LIMA1: variants seen among roughly 807,000 people sequenced by gnomAD.
The protein encoded by LIMA1 is LIM domain and actin binding 1, also known as LIM domain and actin-binding protein 1.
In LIMA1, 52 loss-of-function variants were observed where a neutral mutation model predicts 62.6. The observed-to-expected ratio is 0.83, with a 90% CI of 0.67 to 1.05. The LOEUF (loss-of-function observed/expected upper bound fraction) is 1.05. Ranked by LOEUF, LIMA1 falls within the 50% of genes least tolerant of loss-of-function variation. The probability of loss-of-function intolerance (pLI) is 0.00; values close to 1 mark genes in which losing one functional copy is unlikely to be tolerated. For synonymous variants in LIMA1, 302 were observed against 317.8 expected (o/e 0.95, Z 0.53); for missense variants, 780 against 902.2 (o/e 0.86, Z 1.74).
chr12:50,194,319 C>T (rs1940879679), intron 8 of LIMA1, among the ~76,000 whole-genome samples: 1 of 136,462 alleles, frequency 7.3e-6, no homozygotes, highest in African/African-American at 2.8e-5. Flanking sequence ...TGTTTTGAGT[C>T]GGAGTCTCGC....
intron 7 of LIMA1, among the ~76,000 whole-genome samples, chr12:50,198,808 G>C (rs539691409): frequency 6.6e-6 from 1 of 152,162 alleles, no homozygotes; most frequent in Admixed American, 6.5e-5. Flanking sequence ...TAGAGAACAT[G>C]ATAATTCCCC....
At chr12:50,254,814 C>T (rs1160350160) in intron 1 of LIMA1, among the ~76,000 whole-genome samples, 1 of 152,162 alleles carries the variant, frequency 6.6e-6, no homozygotes, top group Non-Finnish European at 1.5e-5. Context: ...AATCCCAGCA[C>T]TCTGGGAGGC....
intron 2 of LIMA1, among the ~76,000 whole-genome samples, chr12:50,236,164 C>T (rs1247268004): frequency 6.7e-6 from 1 of 149,662 alleles, no homozygotes; most frequent in Non-Finnish European, 1.5e-5. Context: ...GACTCCATCT[C>T]AAAAAAAACA....
intron 1 of LIMA1, among the ~76,000 whole-genome samples, chr12:50,250,197 C>G (rs758269829): frequency 2.7e-5 from 4 of 147,748 alleles, no homozygotes; most frequent in African/African-American, 1.0e-4. Context: ...ACTTGGGAGG[C>G]TGAGGCAGGA....
At chr12:50,246,354 G>T (rs1288771383) in intron 2 of LIMA1, among the ~76,000 whole-genome samples, 1 of 152,062 alleles carries the variant, frequency 6.6e-6, no homozygotes, top group African/African-American at 2.4e-5. Context: ...GGTGAAAAGG[G>T]TAAGAACGTG....
At chr12:50,205,742 G>C (rs1941138915) in intron 5 of LIMA1, among the ~76,000 whole-genome samples, 1 of 144,596 alleles carries the variant, frequency 6.9e-6, no homozygotes, top group Non-Finnish European at 1.5e-5. Context: ...AGCCGGGCAT[G>C]ACGGCTCATG....
At chr12:50,255,549 C>CAA (rs1185514558) in intron 1 of LIMA1, among the ~76,000 whole-genome samples, 10 of 39,666 alleles carry the variant, frequency 2.5e-4, no homozygotes, top group African/African-American at 7.9e-4. Flanking sequence ...CAGACCCTGT[C>CAA]AAAAAAAAAA....
intron 2 of LIMA1, among the ~76,000 whole-genome samples, chr12:50,247,180 A>C (rs957015293): frequency 2.0e-5 from 3 of 152,076 alleles, no homozygotes; most frequent in Admixed American, 6.5e-5. Flanking sequence ...TGTCCAAAAA[A>C]TTCTGACATT....
At chr12:50,252,506 G>C (rs1453266070) in intron 1 of LIMA1, among the ~76,000 whole-genome samples, 1 of 151,346 alleles carries the variant, frequency 6.6e-6, no homozygotes, top group South Asian at 2.1e-4. Context: ...TCTCGAACCT[G>C]GGAGGCGGAG....
chr12:50,239,738 G>A (rs1400709071), intron 2 of LIMA1, among the ~76,000 whole-genome samples: 1 of 152,150 alleles, frequency 6.6e-6, no homozygotes, highest in Non-Finnish European at 1.5e-5. Context: ...GCTCAAGCCT[G>A]TGATCCCAGC....
At chr12:50,178,997 A>G (rs1264771690) in intron 10 of LIMA1, among the ~76,000 whole-genome samples, 1 of 128,790 alleles carries the variant, frequency 7.8e-6, no homozygotes, top group Non-Finnish European at 1.7e-5. Context: ...TCTTTTTTTG[A>G]GAGAATCTCG....
At chr12:50,247,711 C>A (rs1023564754) in intron 2 of LIMA1, among the ~76,000 whole-genome samples, 1 of 151,820 alleles carries the variant, frequency 6.6e-6, no homozygotes, top group Non-Finnish European at 1.5e-5. Flanking sequence ...GCAACCTCCG[C>A]CTCCTGGGTT....
At chr12:50,280,217 C>T (rs1031171923) in intron 1 of LIMA1, among the ~76,000 whole-genome samples, 1 of 128,804 alleles carries the variant, frequency 7.8e-6, no homozygotes. Context: ...TGCAGTGGCG[C>T]GATCTCCGCT....
intron 9 of LIMA1, among the ~76,000 whole-genome samples, chr12:50,183,194 T>C (rs1940545857): frequency 6.6e-6 from 1 of 151,888 alleles, no homozygotes; most frequent in Non-Finnish European, 1.5e-5. Flanking sequence ...AGAGTGAGAC[T>C]CCATCTCAAA....
At chr12:50,240,061 A>ATAACATAACATAACATAACATAAC (rs1454888061) in intron 2 of LIMA1, among the ~76,000 whole-genome samples, 8 of 121,570 alleles carry the variant, frequency 6.6e-5, no homozygotes, top group East Asian at 2.5e-4. Context: ...CATAACATAA[A>ATAACATAACATAACATAACATAAC]ATAAAAAATT....
chr12:50,272,319 G>A (rs1942221415), intron 1 of LIMA1, among the ~76,000 whole-genome samples: 1 of 151,852 alleles, frequency 6.6e-6, no homozygotes, highest in Admixed American at 6.6e-5. Context: ...GCCGGGCACG[G>A]TGGCTCATTC....
rs770526598 is a variant in LIMA1, at chr12:50,222,379, C to T, written c.272G>A (p.Arg91Gln). ...LGAESHTDSL[R>Q]NSSTEIRHRA... ...GTGCCTAATCTCAGTGCTGCTGTTC[C>T]GTAGAGAGTCTGTGTGAGACTCTGC... Residue 91 changes from arginine to glutamine, a missense_variant, in exon 4 of 11, where the codon CGG becomes CAG. By Grantham distance (43) the Arg-to-Gln change is conservative. Coordinates refer to ENST00000341247, the MANE Select transcript of LIMA1 (RefSeq NM_016357.5). 27 of 1,614,134 alleles carry T rather than the reference C, an allele frequency of 1.7e-5. No homozygotes were observed. The highest frequency in any genetic ancestry group is 2.2e-5 in the South Asian group (2 of 91,080).
intron 2 of LIMA1, among the ~76,000 whole-genome samples, chr12:50,236,285 A>C (rs977796142): frequency 1.1e-4 from 16 of 146,454 alleles, no homozygotes; most frequent in Admixed American, 5.7e-4. Flanking sequence ...ATTAAGTAGG[A>C]AAATATTTTT....
intron 3 of LIMA1, 98 bp from the exon 4 acceptor site, chr12:50,222,583 C>G: frequency 1.3e-6 from 2 of 1,566,826 alleles, no homozygotes; most frequent in African/African-American, 1.4e-5. Context: ...CCAAGCTGCT[C>G]CTGGTCCACT....
Sources: allele counts gnomAD v4.1 joint callset (sites outside exome capture counted in the v4.1 genomes callset), GRCh38; gene constraint gnomAD v4.1.1; transcripts MANE v1.5; gene names NCBI Gene and HGNC (gene_info 2026-07-23, HGNC 2026-07-21).